The following CSGALNACT1 variants were observed in gnomAD, a reference collection of about 807,000 sequenced individuals.
The protein encoded by CSGALNACT1 is beta4GalNAcT-1.
A neutral mutation model predicts 51.0 loss-of-function variants in CSGALNACT1; 52 were observed. The observed-to-expected ratio is 1.02, with a 90% CI of 0.82 to 1.29. CSGALNACT1 has a LOEUF of 1.29. Ranked by LOEUF, CSGALNACT1 falls within the 50% of genes most tolerant of loss-of-function variation. CSGALNACT1 has a pLI of 0.00. For missense variants in CSGALNACT1, 935 were observed against 679.2 expected (o/e 1.38, Z -4.19); for synonymous variants, 341 against 254.4 (o/e 1.34, Z -3.24).
At chr8:19,755,512 T>C (rs564227188) in intron 1 of CSGALNACT1, among the ~76,000 whole-genome samples, 19 of 140,438 alleles carry the variant, frequency 1.4e-4, no homozygotes, top group Non-Finnish European at 2.4e-4. Context: ...TACTGTGTGC[T>C]CGGGGCACTA....
chr8:19,580,796 G>T (rs561955750), intron 3 of CSGALNACT1, among the ~76,000 whole-genome samples: 26 of 152,060 alleles, frequency 1.7e-4, no homozygotes, highest in Non-Finnish European at 3.1e-4. Context: ...ATATATTAAA[G>T]ATAGAGAATC....
In CSGALNACT1 at chr8:19,612,523, A is replaced by G. The variant is rs1315997827; in HGVS notation, c.-543-10658T>C. Among the ~76,000 whole-genome samples the G allele has an allele frequency of 3.3e-5, 5 of 152,160 alleles. No homozygotes were observed. In the South Asian group the frequency reaches 6.2e-4, roughly 19 times the overall value. On this transcript the variant is annotated intron_variant, in intron 1 of 9. Coordinates refer to the CSGALNACT1 transcript ENST00000332246. ...GGATCACCCATAAAGGCCCAAGAAA[A>G]AGGAGGAGGGTCCCGCAACCAGTGA... is the stretch of plus-strand genomic sequence containing the variant.
At chr8:19,669,428 G>A (rs544361509) in intron 1 of CSGALNACT1, among the ~76,000 whole-genome samples, 10 of 152,164 alleles carry the variant, frequency 6.6e-5, no homozygotes, top group Admixed American at 1.3e-4. Flanking sequence ...ACTGTAAACC[G>A]TTTCTAATTT....
intron 4 of CSGALNACT1, among the ~76,000 whole-genome samples, chr8:19,468,654 A>T (rs1563570297): frequency 6.6e-6 from 1 of 152,126 alleles, no homozygotes; most frequent in East Asian, 1.9e-4. Context: ...GCTTGAGAGA[A>T]TGTTGTTAGA....
At chr8:19,632,890 G>A (rs1443855982) in intron 1 of CSGALNACT1, among the ~76,000 whole-genome samples, 1 of 151,596 alleles carries the variant, frequency 6.6e-6, no homozygotes, top group African/African-American at 2.4e-5. Flanking sequence ...AAGTAGCTGG[G>A]ACTACAGGCT....
intron 6 of CSGALNACT1, among the ~76,000 whole-genome samples, chr8:19,433,808 CATTAGT>C (rs748476073): frequency 6.6e-6 from 1 of 152,160 alleles, no homozygotes; most frequent in Non-Finnish European, 1.5e-5. Flanking sequence ...CTTCAGGTAT[CATTAGT>C]ATTAGTATAT....
chr8:19,585,931 G>A (rs2046531780), intron 3 of CSGALNACT1, among the ~76,000 whole-genome samples: 1 of 152,158 alleles, frequency 6.6e-6, no homozygotes, highest in African/African-American at 2.4e-5. Context: ...ATTTGCAATG[G>A]AACTGTGCCG....
intron 1 of CSGALNACT1, among the ~76,000 whole-genome samples, chr8:19,753,164 G>C (rs1467127158): frequency 6.6e-6 from 1 of 152,198 alleles, no homozygotes; most frequent in African/African-American, 2.4e-5. Flanking sequence ...AACTCTTGCA[G>C]TTCTGGGGAA....
At chr8:19,613,162 T>C (rs1256677704) in intron 1 of CSGALNACT1, among the ~76,000 whole-genome samples, 3 of 152,116 alleles carry the variant, frequency 2.0e-5, no homozygotes, top group African/African-American at 7.2e-5. Flanking sequence ...GTGTACCATG[T>C]CTATTTTTCT....
exon 10 of CSGALNACT1, chr8:19,405,135 C>T (rs748749190): frequency 4.9e-5 from 22 of 450,802 alleles, no homozygotes; most frequent in Non-Finnish European, 9.3e-5. Context: ...CTATAACTCA[C>T]AAGGGAAAAA....
chr8:19,660,980 T>C lies in CSGALNACT1; in HGVS notation c.-544+21493A>G, dbSNP rs1246707737. ...CAGGCTGGAGTGCAGTGGTGCCATCTCAGCTCATTGCAACCTCTGCCTCCT... is the reference window on the plus strand; with the variant it reads ...CAGGCTGGAGTGCAGTGGTGCCATCCCAGCTCATTGCAACCTCTGCCTCCT... On this transcript the variant is annotated intron_variant, in intron 1 of 9. Coordinates refer to the CSGALNACT1 transcript ENST00000332246. Among the ~76,000 whole-genome samples, 3 of 152,264 alleles carry C rather than the reference T, an allele frequency of 2.0e-5. No individual in the cohort carries two copies. The East Asian group carries it at 5.8e-4, about 29-fold the overall frequency.
At chr8:19,611,703 T>A (rs772556848) in intron 1 of CSGALNACT1, among the ~76,000 whole-genome samples, 42 of 152,190 alleles carry the variant, frequency 2.8e-4, no homozygotes, top group Non-Finnish European at 5.4e-4. Flanking sequence ...ATACCTCTGA[T>A]GGCTTAAAAA....
chr8:19,418,594 C>T (rs1475876190), intron 8 of CSGALNACT1, 62 bp downstream of exon 7: 23 of 1,075,744 alleles, frequency 2.1e-5, no homozygotes, highest in Non-Finnish European at 3.0e-5. Flanking sequence ...TGGTCAGGTA[C>T]CCCTGGTAAT....
chr8:19,599,760 T>C lies in CSGALNACT1; in HGVS notation c.-416+2011A>G, dbSNP rs577674255. On this transcript the variant is annotated intron_variant, in intron 2 of 9. Transcript: ENST00000454498. ...TGGGAAGCCCTTGTTTTCCCAGAAC[T>C]GCTCCTTACTTTTATAGACTCAGGG... 2.0e-5 allele frequency among the ~76,000 whole-genome samples: 3 copies of C among 152,336 alleles called. No individual in the cohort carries two copies. In the East Asian group the frequency reaches 5.8e-4, roughly 29 times the overall value.
chr8:19,618,966 C>T (rs2053452242), intron 1 of CSGALNACT1, among the ~76,000 whole-genome samples: 1 of 151,986 alleles, frequency 6.6e-6, no homozygotes, highest in African/African-American at 2.4e-5. Context: ...TCTCTCATGC[C>T]CCCTTCCTCC....
exon 6 of CSGALNACT1, chr8:19,439,903 C>T (rs1390570835): frequency 1.9e-6 from 3 of 1,614,032 alleles, no homozygotes; most frequent in East Asian, 2.2e-5. Context: ...GTGAGATGGA[C>T]TCTCCCATCC....
At chr8:19,420,415 G>C in exon 7 of CSGALNACT1, 1 of 1,614,158 alleles carries the variant, frequency 6.2e-7, no homozygotes, top group Non-Finnish European at 8.5e-7. Context: ...AAAAAGAGAA[G>C]GACGTTGCTT....
chr8:19,606,827 G>C (rs1233046504), upstream of CSGALNACT1, among the ~76,000 whole-genome samples: 1 of 152,060 alleles, frequency 6.6e-6, no homozygotes, highest in African/African-American at 2.4e-5. Flanking sequence ...TTGCCTTAAA[G>C]GATACCCAAT....
intron 3 of CSGALNACT1, among the ~76,000 whole-genome samples, chr8:19,526,672 T>C (rs1021215674): frequency 6.6e-6 from 1 of 152,094 alleles, no homozygotes; most frequent in African/African-American, 2.4e-5. Context: ...GGAGCCACAA[T>C]CCAATGGCGA....
Sources: allele counts gnomAD v4.1 joint callset (sites outside exome capture counted in the v4.1 genomes callset), GRCh38; gene constraint gnomAD v4.1.1; transcripts MANE v1.5; gene names NCBI Gene and HGNC (gene_info 2026-07-23, HGNC 2026-07-21).